KIF26B: variants seen among roughly 807,000 people sequenced by gnomAD.
The protein encoded by KIF26B is kinesin family member 26B.
In KIF26B, 63 loss-of-function variants were observed where a neutral mutation model predicts 151.2. The ratio of observed to expected loss-of-function variants is 0.42; its 90% CI spans 0.34 to 0.51. The LOEUF is 0.51. Among genes scored for constraint, KIF26B ranks in the 20% least tolerant of loss-of-function variants. The probability of loss-of-function intolerance (pLI) is 0.07; values close to 1 mark genes in which losing one functional copy is unlikely to be tolerated. For missense variants in KIF26B, 2,813 were observed against 2,913.6 expected (o/e 0.97, Z 0.79); for synonymous variants, 1,357 against 1,262.1 (o/e 1.08, Z -1.59).
intron 4 of KIF26B, among the ~76,000 whole-genome samples, chr1:245,478,089 G>C (rs987157161): frequency 6.6e-6 from 1 of 151,740 alleles, no homozygotes; most frequent in African/African-American, 2.4e-5. Flanking sequence ...CATACAATAC[G>C]TGAACTTCTG....
Position 245,681,272 on chromosome 1 carries a change from C to T in KIF26B, c.2259-2961C>T, listed in dbSNP as rs188137524. On this transcript the variant is annotated intron_variant, in intron 10 of 14. Coordinates refer to ENST00000407071, the MANE Select transcript of KIF26B (RefSeq NM_018012.4). ...TCGCCCAGGCTGAAGTGCAGTGGCG[C>T]GATCACGGCTCACTGCAAGCTCCAC... 4.4e-4 allele frequency among the ~76,000 whole-genome samples: 66 copies of T among 150,320 alleles called. 1 individual carries two copies. The South Asian group carries it at 8.2e-3, about 19-fold the overall frequency.
chr1:245,160,593 G>A (rs898125629), intron 2 of KIF26B, among the ~76,000 whole-genome samples: 1 of 152,056 alleles, frequency 6.6e-6, no homozygotes, highest in African/African-American at 2.4e-5. Context: ...AAAGCTCCAG[G>A]TTGGCAAAAG....
rs1020694094 is a variant in KIF26B, at chr1:245,601,928, A to G, written c.1351-649A>G. Among the ~76,000 whole-genome samples the G allele has an allele frequency of 6.6e-6, 1 of 152,218 alleles. No homozygotes were observed. The highest frequency in any genetic ancestry group is 1.5e-5 in the Non-Finnish European group (1 of 68,042). On this transcript the variant is annotated intron_variant, in intron 5 of 14. Transcript: ENST00000407071. This position sits in a 1 kb window ranked among gnomAD's most constrained non-coding sequence, Gnocchi z 4.4. Reference sequence around the variant, plus strand: ...TCACGCAGAAAGTGGGCTAAAGGGCAGCGCCTCCTGCTCCCTCCAGAGATG... The same window carrying G: ...TCACGCAGAAAGTGGGCTAAAGGGCGGCGCCTCCTGCTCCCTCCAGAGATG...
At chr1:245,543,133 T>C (rs187676602) in intron 5 of KIF26B, among the ~76,000 whole-genome samples, 3 of 152,262 alleles carry the variant, frequency 2.0e-5, no homozygotes, top group Non-Finnish European at 4.4e-5. Context: ...TTCAGGTGGC[T>C]CCGACCTCTC....
At chr1:245,234,050 G>A (rs1388008712) in intron 2 of KIF26B, among the ~76,000 whole-genome samples, 1 of 152,006 alleles carries the variant, frequency 6.6e-6, no homozygotes, top group African/African-American at 2.4e-5. Context: ...TGGGCATGGT[G>A]GCGGGCACCT....
rs915625506 is a variant in KIF26B, at chr1:245,563,105, G to A, written c.1350+22155G>A. Among the ~76,000 whole-genome samples the A allele has an allele frequency of 2.6e-5, 4 of 152,202 alleles. No individual in the cohort carries two copies. The highest frequency in any genetic ancestry group is 4.8e-5 in the African/African-American group (2 of 41,444). On this transcript the variant is annotated intron_variant, in intron 5 of 14. Transcript: ENST00000407071. The surrounding 1 kb of genome is among the most constrained non-coding windows in gnomAD (Gnocchi z 4.6). ...GTACATGTTTGTTTGGGGAATGAAT[G>A]TGAGGTCACTAGTCAATGATTCTGA...
chr1:245,277,479 T>A (rs1017840931), intron 2 of KIF26B, among the ~76,000 whole-genome samples: 1 of 152,210 alleles, frequency 6.6e-6, no homozygotes, highest in African/African-American at 2.4e-5. Context: ...TGGTGCCCCC[T>A]GCAGGTGCCC....
intron 2 of KIF26B, among the ~76,000 whole-genome samples, chr1:245,257,015 A>C (rs1670548992): frequency 1.3e-5 from 2 of 152,186 alleles, no homozygotes; most frequent in Non-Finnish European, 2.9e-5. Context: ...AGAAACATTT[A>C]CCATCTATTC....
intron 2 of KIF26B, among the ~76,000 whole-genome samples, chr1:245,178,524 A>G (rs906365731): frequency 1.8e-4 from 28 of 152,180 alleles, no homozygotes; most frequent in African/African-American, 6.0e-4. Flanking sequence ...CGTATGGTTC[A>G]GTGGCTTTAA....
At chr1:245,304,255 A>T (rs562831959) in intron 2 of KIF26B, among the ~76,000 whole-genome samples, 1 of 152,248 alleles carries the variant, frequency 6.6e-6, no homozygotes, top group Non-Finnish European at 1.5e-5. Flanking sequence ...CCCTCTAGAG[A>T]TGGTTCTAAA....
intron 4 of KIF26B, among the ~76,000 whole-genome samples, chr1:245,469,737 T>G (rs1093919): frequency 0.7 from 106,598 of 152,048 alleles, 37,565 homozygotes; most frequent in African/African-American, 0.78. Context: ...TGATTGAATG[T>G]AATTGTCACT....
chr1:245,565,616 TAC>T (rs948721673), intron 5 of KIF26B, among the ~76,000 whole-genome samples: 1 of 152,140 alleles, frequency 6.6e-6, no homozygotes, highest in African/African-American at 2.4e-5. Flanking sequence ...CGGTCATTTG[TAC>T]AGTGTTGCTT....
At chr1:245,575,957 T>C (rs916491391) in intron 5 of KIF26B, among the ~76,000 whole-genome samples, 2 of 152,052 alleles carry the variant, frequency 1.3e-5, no homozygotes, top group Non-Finnish European at 2.9e-5. Flanking sequence ...TTCATGCTGG[T>C]GTCTAAGCCA....
At chr1:245,399,065 C>T (rs1411559224) in intron 3 of KIF26B, among the ~76,000 whole-genome samples, 1 of 152,080 alleles carries the variant, frequency 6.6e-6, no homozygotes, top group Non-Finnish European at 1.5e-5. Flanking sequence ...ATGCATGTTC[C>T]AATTTGTTTT....
At chr1:245,423,213 C>T (rs574393358) in intron 4 of KIF26B, among the ~76,000 whole-genome samples, 7 of 152,110 alleles carry the variant, frequency 4.6e-5, no homozygotes, top group African/African-American at 9.6e-5. Flanking sequence ...ATGTGGCTGA[C>T]GTATATTGAG....
chr1:245,685,274 G>T (rs1485820288), intron 11 of KIF26B, 131 bp from the exon 12 acceptor site: 2 of 714,506 alleles, frequency 2.8e-6, no homozygotes, highest in Non-Finnish European at 4.6e-6. Flanking sequence ...TGGCCCACGT[G>T]CGGGAGGCCA....
chr1:245,184,034 A>C (rs1668951702), intron 2 of KIF26B, among the ~76,000 whole-genome samples: 1 of 20,930 alleles, frequency 4.8e-5, no homozygotes, highest in African/African-American at 1.3e-4. Flanking sequence ...TGCAACAGGT[A>C]TGGGTGGGAG....
chr1:245,686,136 C>T lies in KIF26B; in HGVS notation c.3153C>T (p.Asn1051=). The change falls in exon 12 of 15, where the codon AAC becomes AAT. Residue 1051 remains asparagine (N), a synonymous_variant. Coordinates refer to ENST00000407071, the MANE Select transcript of KIF26B (RefSeq NM_018012.4). The surrounding 1 kb of genome is among the most constrained non-coding windows in gnomAD (Gnocchi z 5.6). ...TCCAGAGCAGCCGGGAGAGCCTCAACTCCTGCGGCTTCGTGGAAGGCAAGC... is the reference window on the plus strand; with the variant it reads ...TCCAGAGCAGCCGGGAGAGCCTCAATTCCTGCGGCTTCGTGGAAGGCAAGC... ...PSLQSSRESL[N]SCGFVEGKPR... 8 of 1,612,148 alleles carry T rather than the reference C, an allele frequency of 5.0e-6. No homozygotes were observed. Among genetic ancestry groups the T allele is most frequent in the Admixed American group, 1.7e-5 (1 of 59,928 alleles).
At chr1:245,155,563 T>C in intron 1 of KIF26B, 76 bp downstream of exon 1, 1 of 1,324,948 alleles carries the variant, frequency 7.5e-7, no homozygotes, top group Non-Finnish European at 1.1e-6. Flanking sequence ...CCCGGGATCG[T>C]GCGGCCCCGG....
Sources: allele counts gnomAD v4.1 joint callset (sites outside exome capture counted in the v4.1 genomes callset), GRCh38; gene constraint gnomAD v4.1.1; non-coding constraint Gnocchi (gnomAD v3.1); transcripts MANE v1.5; gene names NCBI Gene and HGNC (gene_info 2026-07-23, HGNC 2026-07-21).